The following FAM76A variants were observed in gnomAD, a reference collection of about 807,000 sequenced individuals.
The protein encoded by FAM76A is family with sequence similarity 76 member A, also known as protein FAM76A.
FAM76A carries 32 observed loss-of-function variants against 46.2 expected under a neutral mutation model. The observed-to-expected ratio is 0.69, with a 90% CI of 0.52 to 0.93. FAM76A has a LOEUF of 0.93. Ranked by LOEUF, FAM76A falls within the 40% of genes least tolerant of loss-of-function variation. The pLI, the probability that FAM76A is intolerant of heterozygous loss-of-function variation, is 0.00. For synonymous variants in FAM76A, 137 were observed against 127.0 expected, an observed-to-expected ratio of 1.08 and a Z score of -0.53; for missense variants, 274 against 361.5, an observed-to-expected ratio of 0.76 and a Z score of 1.96.
chr1:27,759,779 G>GTTT (rs542481822), intron 8 of FAM76A, 152 bp downstream of exon 8: 21 of 363,526 alleles, frequency 5.8e-5, no homozygotes, highest in African/African-American at 3.0e-4. Flanking sequence ...TTTTTTTTTT[G>GTTT]TTTTTTTTTT....
chr1:27,737,065 T>C lies in FAM76A; in HGVS notation c.354+2882T>C, dbSNP rs554871567. ...CCTAGGTTCAAGCAATTCTCCTGCC[T>C]CAGCCTCCCGAGTAGCTGGGATTAC... On this transcript the variant is annotated intron_variant, in intron 4 of 8. Coordinates refer to ENST00000373954, the MANE Select transcript of FAM76A (RefSeq NM_152660.3). 2.3e-4 allele frequency among the ~76,000 whole-genome samples: 35 copies of C among 152,330 alleles called. 1 individual carries two copies. The highest frequency in any genetic ancestry group is 2.0e-3 in the Admixed American group (31 of 15,294).
chr1:27,737,023 C>T (rs2088059454), intron 4 of FAM76A, among the ~76,000 whole-genome samples: 4 of 152,172 alleles, frequency 2.6e-5, no homozygotes, highest in African/African-American at 7.2e-5. Context: ...GATCTCGGCT[C>T]ACCACAACCT....
chr1:27,726,477 TC>T (rs1376797546), intron 1 of FAM76A, among the ~76,000 whole-genome samples: 2 of 151,968 alleles, frequency 1.3e-5, no homozygotes, highest in Non-Finnish European at 2.9e-5. Context: ...TTGCGCTGCC[TC>T]CCCCGCCGCC....
chr1:27,726,040 G>T lies in FAM76A; in HGVS notation c.-41G>T, dbSNP rs2087851348. On this transcript the variant is annotated 5_prime_UTR_variant, in exon 1 of 9. Coordinates refer to ENST00000373954, the MANE Select transcript of FAM76A (RefSeq NM_152660.3). ...GCCTCAGACTGTCAGATAAATCGGC[G>T]GGCCGGGCCGGCGGGTCGGTGAGCG... is the stretch of plus-strand genomic sequence containing the variant. 3 of 1,252,724 alleles carry T rather than the reference G, an allele frequency of 2.4e-6. No homozygotes were observed. Among genetic ancestry groups the T allele is most frequent in the Non-Finnish European group, 3.0e-6 (3 of 996,632 alleles). The allele number at this position is 1,252,724 out of a possible 1,614,324, so 77.6% of individuals were successfully genotyped here.
chr1:27,760,382 TC>T (rs1452001674), intron 8 of FAM76A, 112 bp from the exon 9 acceptor site: 9 of 756,080 alleles, frequency 1.2e-5, no homozygotes, highest in Non-Finnish European at 1.9e-5. Context: ...GAATTGTTCA[TC>T]TCTTTCTGAC....
At chr1:27,737,569 C>T (rs968864233) in intron 4 of FAM76A, among the ~76,000 whole-genome samples, 8 of 151,262 alleles carry the variant, frequency 5.3e-5, no homozygotes, top group East Asian at 2.0e-4. Context: ...ACAAAAATCT[C>T]GGCCGGGCAC....
In FAM76A at chr1:27,761,383, T is replaced by C. The variant is rs2088508288; in HGVS notation, c.*802T>C. 6.6e-6 allele frequency: 1 copy of C among 152,620 alleles called. No individual in the cohort carries two copies. The highest frequency in any genetic ancestry group is 1.5e-5 in the Non-Finnish European group (1 of 68,048). 9.5% of individuals were successfully genotyped at this position (152,620 alleles called of 1,614,324 possible). Reference sequence around the variant, plus strand: ...ACAATTCAATGCATAAGTATGGAGCTAAGTGCCTTTTGGAGGATTTCTTGG... The same window carrying C: ...ACAATTCAATGCATAAGTATGGAGCCAAGTGCCTTTTGGAGGATTTCTTGG... On this transcript the variant is annotated 3_prime_UTR_variant, in exon 9 of 9. Coordinates refer to ENST00000373954, the MANE Select transcript of FAM76A (RefSeq NM_152660.3).
intron 8 of FAM76A, chr1:27,759,927 C>T (rs780770475): frequency 6.1e-6 from 3 of 491,656 alleles, no homozygotes; most frequent in South Asian, 1.5e-5. Flanking sequence ...ACCACCATAC[C>T]CCACTAATTT....
chr1:27,726,102 A>G lies in FAM76A; in HGVS notation c.22A>G (p.Thr8Ala). 1 of 1,289,814 alleles carries G rather than the reference A, an allele frequency of 7.8e-7. No homozygotes were observed. Among genetic ancestry groups the G allele is most frequent in the Non-Finnish European group, 9.9e-7 (1 of 1,015,090 alleles). The allele number at this position is 1,289,814 out of a possible 1,614,324, so 79.9% of individuals were successfully genotyped here. ...GGACATGGCGGCGCTCTACGCCTGC[A>G]CCAAGTGCCACCAGCGCTTCCCCTT... MAALYAC[T>A]KCHQRFPFEA... Residue 8 changes from threonine to alanine, a missense_variant, in exon 1 of 9, where the codon ACC (threonine) becomes GCC (alanine). Coordinates refer to ENST00000373954, the MANE Select transcript of FAM76A (RefSeq NM_152660.3).
chr1:27,759,561 A>G lies in FAM76A; in HGVS notation c.771A>G (p.Glu257=). The G allele has an allele frequency of 6.2e-7, 1 of 1,613,792 alleles. No individual in the cohort carries two copies. Among genetic ancestry groups the G allele is most frequent in the Non-Finnish European group, 8.5e-7 (1 of 1,179,902 alleles). Residue 257 remains glutamate, a synonymous_variant, in exon 8 of 9, where the codon GAA becomes GAG. Transcript: ENST00000373954. ...TGAAGGCTGATTTTCAGTACCAGGA[A>G]TCGCAGATGAGAGCCAAAATGAACC... ...TELKADFQYQ[E]SQMRAKMNQM...
At chr1:27,737,357 G>C (rs1039062389) in intron 4 of FAM76A, among the ~76,000 whole-genome samples, 1 of 152,166 alleles carries the variant, frequency 6.6e-6, no homozygotes, top group Non-Finnish European at 1.5e-5. Context: ...TAGTAGAGTT[G>C]TATTGTTTTA....
intron 4 of FAM76A, among the ~76,000 whole-genome samples, chr1:27,735,907 T>G (rs946093916): frequency 6.6e-6 from 1 of 152,232 alleles, no homozygotes; most frequent in Non-Finnish European, 1.5e-5. Flanking sequence ...ACTAATCTGG[T>G]TATACTAGAA....
chr1:27,729,635 C>A (rs2179104), intron 2 of FAM76A, among the ~76,000 whole-genome samples: 20,668 of 152,128 alleles, frequency 0.14, 3,541 homozygotes, highest in African/African-American at 0.39. Context: ...TCATCTCTCT[C>A]TCCATCACTA....
chr1:27,737,950 G>A (rs539257293), intron 4 of FAM76A, among the ~76,000 whole-genome samples: 1 of 151,786 alleles, frequency 6.6e-6, no homozygotes, highest in South Asian at 2.1e-4. Context: ...CTACCTGGGA[G>A]GCTGAGGTGG....
At chr1:27,735,137 G>A (rs868663675) in intron 4 of FAM76A, among the ~76,000 whole-genome samples, 2 of 152,154 alleles carry the variant, frequency 1.3e-5, no homozygotes, top group Admixed American at 6.6e-5. Context: ...ATCTCACTCC[G>A]ACCTTTGCAC....
intron 4 of FAM76A, among the ~76,000 whole-genome samples, chr1:27,743,157 T>C (rs1243274181): frequency 6.6e-6 from 1 of 152,126 alleles, no homozygotes; most frequent in Non-Finnish European, 1.5e-5. Context: ...AAATATCTAT[T>C]TATTCATTTT....
intron 2 of FAM76A, chr1:27,730,469 A>C (rs1411929619): frequency 1.3e-5 from 2 of 151,844 alleles, no homozygotes; most frequent in Non-Finnish European, 2.9e-5. Context: ...TACAGGCATG[A>C]GCCACCGCGC....
At chr1:27,756,449 C>CAG (rs2088410840) in intron 7 of FAM76A, among the ~76,000 whole-genome samples, 1 of 151,936 alleles carries the variant, frequency 6.6e-6, no homozygotes, top group African/African-American at 2.4e-5. Flanking sequence ...TGCCACCATG[C>CAG]CTGGCTAATT....
intron 7 of FAM76A, among the ~76,000 whole-genome samples, chr1:27,757,185 A>ATTTTT (rs2088424134): frequency 9.2e-6 from 1 of 108,808 alleles, no homozygotes; most frequent in African/African-American, 3.7e-5. Context: ...TAACTCATTT[A>ATTTTT]TTCTTTTTTT....
Sources: allele counts gnomAD v4.1 joint callset (sites outside exome capture counted in the v4.1 genomes callset), GRCh38; gene constraint gnomAD v4.1.1; transcripts MANE v1.5; gene names NCBI Gene and HGNC (gene_info 2026-07-23, HGNC 2026-07-21).